The following KLHL6 variants were observed in gnomAD, a reference collection of about 807,000 sequenced individuals.
KLHL6 encodes kelch like family member 6.
A neutral mutation model predicts 58.6 loss-of-function variants in KLHL6; 41 were observed. The ratio of observed to expected loss-of-function variants is 0.70; its 90% CI spans 0.55 to 0.91. KLHL6 has a LOEUF of 0.91. Ranked by LOEUF, KLHL6 falls within the 40% of genes least tolerant of loss-of-function variation. The probability of loss-of-function intolerance (pLI) is 0.00; values close to 1 mark genes in which losing one functional copy is unlikely to be tolerated. For missense variants in KLHL6, 714 were observed against 805.6 expected, an observed-to-expected ratio of 0.89 and a Z score of 1.38; for synonymous variants, 338 against 322.7, an observed-to-expected ratio of 1.05 and a Z score of -0.51.
At chr3:183,553,055 G>A (rs1309502680) in intron 1 of KLHL6, among the ~76,000 whole-genome samples, 1 of 152,136 alleles carries the variant, frequency 6.6e-6, no homozygotes, top group Non-Finnish European at 1.5e-5. Flanking sequence ...AGGAATAGTA[G>A]CACCGGAAGA....
intron 2 of KLHL6, among the ~76,000 whole-genome samples, chr3:183,527,560 C>T (rs930942437): frequency 1.3e-5 from 2 of 152,122 alleles, no homozygotes; most frequent in Admixed American, 6.6e-5. Context: ...GAGTCAGGAC[C>T]CATGCCTAGG....
intron 1 of KLHL6, among the ~76,000 whole-genome samples, chr3:183,553,455 T>C (rs534191209): frequency 1.3e-5 from 2 of 152,310 alleles, no homozygotes; most frequent in South Asian, 4.2e-4. Context: ...CTTCCAGGTA[T>C]GCATTTTATG....
At chr3:183,516,551 G>T (rs1430072759) in intron 2 of KLHL6, among the ~76,000 whole-genome samples, 2 of 152,246 alleles carry the variant, frequency 1.3e-5, no homozygotes, top group Non-Finnish European at 2.9e-5. Flanking sequence ...CGTGGCTGCA[G>T]TTCCCACAAG....
At chr3:183,507,014 A>G (rs1477421015) in intron 3 of KLHL6, among the ~76,000 whole-genome samples, 1 of 152,158 alleles carries the variant, frequency 6.6e-6, no homozygotes, top group Non-Finnish European at 1.5e-5. Context: ...CACTTTGGGG[A>G]ACCACAAGCT....
intron 1 of KLHL6, among the ~76,000 whole-genome samples, chr3:183,544,163 C>CAAAAAAA (rs56357226): frequency 1.1e-4 from 6 of 56,994 alleles, no homozygotes; most frequent in Non-Finnish European, 1.7e-4. Flanking sequence ...AACTCAGTCT[C>CAAAAAAA]AAAAAAAAAA....
intron 1 of KLHL6, among the ~76,000 whole-genome samples, chr3:183,534,082 G>GTACTTTACTTTTAAAGTACTTTAAAAT (rs1712253143): frequency 7.7e-6 from 1 of 130,210 alleles, no homozygotes; most frequent in Non-Finnish European, 1.7e-5. Flanking sequence ...GCCTTTAAAA[G>GTACTTTACTTTTAAAGTACTTTAAAAT]TACTTTACTT....
chr3:183,492,177 C>T lies in KLHL6; in HGVS notation c.1616G>A (p.Cys539Tyr), dbSNP rs757992910. 111 of 1,612,662 alleles carry T rather than the reference C, an allele frequency of 6.9e-5. No individual in the cohort carries two copies. Among genetic ancestry groups the T allele is most frequent in the African/African-American group, 9.3e-5 (7 of 74,938 alleles). Residue 539 changes from cysteine to tyrosine, a missense_variant, in exon 7 of 7, where the codon TGC becomes TAC. By Grantham distance (194) the Cys-to-Tyr change is radical. Coordinates refer to ENST00000341319, the MANE Select transcript of KLHL6 (RefSeq NM_130446.4). This position sits in a 1 kb window ranked among gnomAD's most constrained non-coding sequence, Gnocchi z 5.9. ...CTCGTGGCTGAGCTGGGTCACCAGGCACCAGCTGTCTTCCAGCGGGCTGTA... is the reference window on the plus strand; with the variant it reads ...CTCGTGGCTGAGCTGGGTCACCAGGTACCAGCTGTCTTCCAGCGGGCTGTA... The part of the protein sequence containing the change: ...YAYSPLEDSW[C>Y]LVTQLSHERA...
In KLHL6 at chr3:183,510,874, A is replaced by AAAATAAATAAATAAATAAATAAAT. The variant is rs55944280; in HGVS notation, c.460-2390_460-2367dup. On this transcript the variant is annotated intron_variant, in intron 2 of 6. Transcript: ENST00000341319. Reference sequence around the variant, plus strand: ...GGCAACAAGAGCAAAACTCCATCTCAAAATAAATAAATAAATAAATAAATA... The same window carrying AAAATAAATAAATAAATAAATAAAT: ...GGCAACAAGAGCAAAACTCCATCTCAAAATAAATAAATAAATAAATAAATAAATAAATAAATAAATAAATAAATA... 7.7e-3 allele frequency among the ~76,000 whole-genome samples: 1,139 copies of AAAATAAATAAATAAATAAATAAAT among 148,254 alleles called. 9 individuals carry two copies. The highest frequency in any genetic ancestry group is 9.8e-3 in the African/African-American group (399 of 40,636).
In KLHL6 at chr3:183,492,239, G is replaced by T; in HGVS notation, c.1565-11C>A. On this transcript the variant is annotated splice_polypyrimidine_tract_variant and intron_variant, in intron 6 of 6. Coordinates refer to ENST00000341319, the MANE Select transcript of KLHL6 (RefSeq NM_130446.4). The surrounding 1 kb of genome is among the most constrained non-coding windows in gnomAD (Gnocchi z 5.9). ...CTCTCATGGCCCCACCTGAGGAGAG[G>T]GAGGAAACACGGTGGGCATCGCTCC... is the stretch of plus-strand genomic sequence containing the variant. The T allele has an allele frequency of 6.3e-7, 1 of 1,577,480 alleles. No homozygotes were observed. The highest frequency in any genetic ancestry group is 1.2e-5 in the South Asian group (1 of 86,892).
chr3:183,492,662 G>C lies in KLHL6; in HGVS notation c.1396C>G (p.His466Asp). The change falls in exon 6 of 7, where the codon CAT becomes GAT. Residue 466 changes from histidine (H) to aspartate (D), a missense_variant. This residue lies in a region of KLHL6 where 510 missense variants were observed against 629.7 expected (regional missense o/e 0.81). Transcript: ENST00000341319. This position sits in a 1 kb window ranked among gnomAD's most constrained non-coding sequence, Gnocchi z 5.9. ...CCGATCACATACAGCTTCTTCTTATGGCTGGTGGCTGCAAAGGAACTGACA... is the reference window on the plus strand; with the variant it reads ...CCGATCACATACAGCTTCTTCTTATCGCTGGTGGCTGCAAAGGAACTGACA... ...VHVSSFAATS[H>D]KKKLYVIGGG... The C allele has an allele frequency of 6.2e-7, 1 of 1,613,970 alleles. No individual in the cohort carries two copies. Among genetic ancestry groups the C allele is most frequent in the Non-Finnish European group, 8.5e-7 (1 of 1,180,036 alleles).
intron 4 of KLHL6, among the ~76,000 whole-genome samples, chr3:183,497,753 T>C (rs2686430): frequency 0.26 from 38,881 of 152,146 alleles, 5,640 homozygotes; most frequent in African/African-American, 0.38. Context: ...TGGAGCAGAC[T>C]GTCCTGCCCC....
chr3:183,492,402 C>G lies in KLHL6; in HGVS notation c.1564+92G>C. 1 of 1,427,248 alleles carries G rather than the reference C, an allele frequency of 7.0e-7. No individual in the cohort carries two copies. The highest frequency in any genetic ancestry group is 9.7e-7 in the Non-Finnish European group (1 of 1,033,560). 88.4% of individuals were successfully genotyped at this position (1,427,248 alleles called of 1,614,324 possible). Reference sequence around the variant, plus strand: ...GGTCCTAGGGGCAGTGAGTTGCCAGCGCTGGAGACACCGCGACACACCGTT... The same window carrying G: ...GGTCCTAGGGGCAGTGAGTTGCCAGGGCTGGAGACACCGCGACACACCGTT... On this transcript the variant is annotated intron_variant, in intron 6 of 6. Coordinates refer to ENST00000341319, the MANE Select transcript of KLHL6 (RefSeq NM_130446.4). This position sits in a 1 kb window ranked among gnomAD's most constrained non-coding sequence, Gnocchi z 5.9.
intron 2 of KLHL6, among the ~76,000 whole-genome samples, chr3:183,526,045 T>C (rs1577193287): frequency 6.6e-6 from 1 of 152,192 alleles, no homozygotes; most frequent in Non-Finnish European, 1.5e-5. Flanking sequence ...CGGTGGCTCA[T>C]GCCTGTAATC....
intron 2 of KLHL6, 96 bp from the exon 3 acceptor site, chr3:183,508,604 C>T: frequency 9.7e-7 from 1 of 1,031,442 alleles, no homozygotes. Flanking sequence ...AAATTGGAAA[C>T]AACCTAAATG....
At chr3:183,551,981 A>G (rs1003820378) in intron 1 of KLHL6, 2 of 152,236 alleles carry the variant, frequency 1.3e-5, no homozygotes, top group Non-Finnish European at 2.9e-5. Flanking sequence ...ATACGAAGAG[A>G]TGTTTGATCT....
intron 2 of KLHL6, among the ~76,000 whole-genome samples, chr3:183,527,461 C>T (rs1712012339): frequency 6.6e-6 from 1 of 152,118 alleles, no homozygotes; most frequent in Non-Finnish European, 1.5e-5. Flanking sequence ...ACACCACCCT[C>T]GATGAAACCA....
At chr3:183,553,258 C>T (rs1317697627) in intron 1 of KLHL6, among the ~76,000 whole-genome samples, 5 of 152,142 alleles carry the variant, frequency 3.3e-5, no homozygotes, top group South Asian at 2.1e-4. Context: ...TTCTCATTGC[C>T]GTTGCCTCCT....
intron 1 of KLHL6, among the ~76,000 whole-genome samples, chr3:183,533,638 A>G (rs1712230999): frequency 6.6e-6 from 1 of 152,124 alleles, no homozygotes; most frequent in African/African-American, 2.4e-5. Context: ...GCTTCCCAGA[A>G]ACATTCAAAA....
chr3:183,494,000 G>T lies in KLHL6; in HGVS notation c.1350+79C>A, dbSNP rs895556898. Reference sequence around the variant, plus strand: ...AGTGATCAGAAAGCTGACCACCACGGCAGGCACGTTCCAAAGCTTTTTAAA... The same window carrying T: ...AGTGATCAGAAAGCTGACCACCACGTCAGGCACGTTCCAAAGCTTTTTAAA... On this transcript the variant is annotated intron_variant, in intron 5 of 6. Coordinates refer to ENST00000341319, the MANE Select transcript of KLHL6 (RefSeq NM_130446.4). The T allele has an allele frequency of 2.8e-5, 36 of 1,306,056 alleles. No individual in the cohort carries two copies. The Admixed American group carries it at 6.1e-4, about 22-fold the overall frequency. 80.9% of individuals were successfully genotyped at this position (1,306,056 alleles called of 1,614,324 possible). A position where few individuals can be genotyped will look rare whatever the true frequency, so the allele number is the denominator to read the frequency against.
Sources: gnomAD v4.1 joint callset for allele counts (sites outside exome capture counted in the v4.1 genomes callset) on GRCh38, gnomAD v4.1.1 for gene constraint, gnomAD v4.1.1 regional missense constraint, Gnocchi (gnomAD v3.1) non-coding constraint, MANE v1.5 for transcripts, NCBI Gene and HGNC (gene_info 2026-07-23, HGNC 2026-07-21) for gene names.